S100A13: variants seen among roughly 807,000 people sequenced by gnomAD.
S100A13 encodes the protein protein S100-A13.
S100A13 carries 6 observed loss-of-function variants against 8.2 expected under a neutral mutation model. The ratio of observed to expected loss-of-function variants is 0.73; its 90% confidence interval spans 0.40 to 1.44. The LOEUF (loss-of-function observed/expected upper bound fraction) is 1.44. Among genes scored for constraint, S100A13 ranks in the 40% most tolerant of loss-of-function variants. S100A13 has a pLI of 0.02. For synonymous variants in S100A13, 39 were observed against 45.9 expected, an observed-to-expected ratio of 0.85 and a Z score of 0.61; for missense variants, 114 against 113.6, an observed-to-expected ratio of 1.00 and a Z score of -0.02.
At chr1:153,623,812 A>G (rs1357471005) in intron 2 of S100A13, among the ~76,000 whole-genome samples, 1 of 152,236 alleles carries the variant, frequency 6.6e-6, no homozygotes, top group African/African-American at 2.4e-5. Context: ...AAAGTGAGAC[A>G]AGTCAACAAA....
At chr1:153,633,308 G>T (rs540441745), upstream of S100A13, among the ~76,000 whole-genome samples, 1 of 152,060 alleles carries the variant, frequency 6.6e-6, no homozygotes, top group African/African-American at 2.4e-5. Flanking sequence ...GATTCATTGC[G>T]CCACTGACTC....
chr1:153,622,484 G>T (rs1321446645), intron 2 of S100A13, among the ~76,000 whole-genome samples: 1 of 152,162 alleles, frequency 6.6e-6, no homozygotes, highest in Non-Finnish European at 1.5e-5. Flanking sequence ...ATATTTGCAA[G>T]AAGGAAGAAA....
At chr1:153,632,757 C>T (rs1224463508), upstream of S100A13, among the ~76,000 whole-genome samples, 1 of 152,068 alleles carries the variant, frequency 6.6e-6, no homozygotes, top group African/African-American at 2.4e-5. Flanking sequence ...GCCCAAGTGC[C>T]AGGAAGGAAA....
At chr1:153,631,410 G>C, upstream of S100A13, 1 of 1,449,326 alleles carries the variant, frequency 6.9e-7, no homozygotes. Flanking sequence ...ATTTGTATTA[G>C]AATTAAATTA....
chr1:153,631,242 T>G (rs1415219192), upstream of S100A13: 2 of 555,216 alleles, frequency 3.6e-6, no homozygotes, highest in Non-Finnish European at 6.4e-6. Flanking sequence ...AGCCTCAGGA[T>G]ACGGTAGAAA....
upstream of S100A13, chr1:153,630,585 A>G (rs1667953873): frequency 6.2e-7 from 1 of 1,614,260 alleles, no homozygotes; most frequent in Non-Finnish European, 8.5e-7. Flanking sequence ...CCACTCGGGC[A>G]AAGAGGGGGA....
chr1:153,624,944 G>A (rs947835417), intron 2 of S100A13, among the ~76,000 whole-genome samples: 1 of 152,108 alleles, frequency 6.6e-6, no homozygotes, highest in African/African-American at 2.4e-5. Context: ...GCATGGTGGC[G>A]GTTGCCTGTA....
chr1:153,625,721 TG>T (rs1667573341), intron 2 of S100A13, among the ~76,000 whole-genome samples: 1 of 152,224 alleles, frequency 6.6e-6, no homozygotes, highest in South Asian at 2.1e-4. Context: ...AGTCCTGTCT[TG>T]GGGAAATTAG....
chr1:153,631,785 G>T (rs1416058903), upstream of S100A13: 1 of 1,614,186 alleles, frequency 6.2e-7, no homozygotes, highest in East Asian at 2.2e-5. Flanking sequence ...GGAGTATGTG[G>T]TGCTTGTGGC....
chr1:153,623,904 T>C (rs765621523), intron 2 of S100A13, among the ~76,000 whole-genome samples: 3 of 152,006 alleles, frequency 2.0e-5, no homozygotes, highest in Non-Finnish European at 4.4e-5. Flanking sequence ...TTACTATAGG[T>C]GAAATGGTGG....
At chr1:153,628,354 C>T (rs1010313306), upstream of S100A13, 109 of 1,537,456 alleles carry the variant, frequency 7.1e-5, no homozygotes, top group Non-Finnish European at 9.3e-5. Flanking sequence ...ACAGGGTGTT[C>T]GTCTGTGAAG....
intron 2 of S100A13, among the ~76,000 whole-genome samples, chr1:153,622,962 T>C (rs1667365012): frequency 6.6e-6 from 1 of 152,130 alleles, no homozygotes; most frequent in Non-Finnish European, 1.5e-5. Context: ...TGGTGGCACA[T>C]GCCTGTAGTC....
At chr1:153,626,168 G>GA (rs201727330) in intron 2 of S100A13, 152 bp downstream of exon 2, 3 of 746,100 alleles carry the variant, frequency 4.0e-6, no homozygotes, top group Non-Finnish European at 4.5e-6. Context: ...ACTTTGTCTC[G>GA]AAAAAACAAA....
upstream of S100A13, chr1:153,628,052 G>C (rs551727479): frequency 1.7e-5 from 26 of 1,550,260 alleles, no homozygotes; most frequent in Non-Finnish European, 2.2e-5. Flanking sequence ...TTCTCACTGA[G>C]GGTCCTCTCA....
chr1:153,628,275 G>C (rs945019751), upstream of S100A13: 19 of 1,521,848 alleles, frequency 1.2e-5, no homozygotes, highest in Admixed American at 4.1e-5. Flanking sequence ...GGCTGGGAAA[G>C]AGACAAGGGC....
chr1:153,622,319 C>T lies in S100A13; in HGVS notation c.154-3281G>A, dbSNP rs371983087. ...CTGGGAGGCAGAGGTTGCAGTGACC[C>T]GAGATCATGCCACTGCACTCCAGCC... On this transcript the variant is annotated intron_variant, in intron 2 of 2. Coordinates refer to ENST00000476133, the MANE Select transcript of S100A13 (RefSeq NM_001024211.2). Among the ~76,000 whole-genome samples the T allele has an allele frequency of 3.3e-5, 5 of 152,166 alleles. No homozygotes were observed. In the East Asian group the frequency reaches 5.8e-4, roughly 18 times the overall value.
upstream of S100A13, chr1:153,630,474 G>T (rs760173181): frequency 1.2e-6 from 2 of 1,608,254 alleles, no homozygotes; most frequent in South Asian, 2.2e-5. Context: ...CTCCGGGCCT[G>T]GTCCTCAGCT....
chr1:153,628,659 G>C, upstream of S100A13: 1 of 1,224,282 alleles, frequency 8.2e-7, no homozygotes, highest in Non-Finnish European at 1.1e-6. Context: ...GGGAGACAGG[G>C]TTTGGAAGGT....
upstream of S100A13, chr1:153,630,596 C>G: frequency 6.2e-7 from 1 of 1,614,264 alleles, no homozygotes; most frequent in Non-Finnish European, 8.5e-7. Flanking sequence ...AAGAGGGGGA[C>G]AAGTACAAGC....
Sources: allele counts gnomAD v4.1 joint callset (sites outside exome capture counted in the v4.1 genomes callset), GRCh38; gene constraint gnomAD v4.1.1; transcripts MANE v1.5; gene names NCBI Gene and HGNC (gene_info 2026-07-23, HGNC 2026-07-21).